The following HIVEP3 variants were observed in gnomAD, a reference collection of about 807,000 sequenced individuals.
HIVEP3 encodes transcription factor HIVEP3.
HIVEP3 carries 49 observed loss-of-function variants against 152.8 expected under a neutral mutation model. The ratio of observed to expected loss-of-function variants is 0.32; its 90% CI spans 0.26 to 0.41. The LOEUF is 0.41. Ranked by LOEUF, HIVEP3 falls within the 10% of genes least tolerant of loss-of-function variation. The pLI is 1.00. For missense variants in HIVEP3, 2,790 were observed against 3,103.3 expected, an observed-to-expected ratio of 0.90 and a Z score of 2.40; for synonymous variants, 1,269 against 1,289.0, an observed-to-expected ratio of 0.98 and a Z score of 0.33.
At chr1:42,020,363 C>G (rs962989957) in intron 1 of HIVEP3, among the ~76,000 whole-genome samples, 1 of 152,022 alleles carries the variant, frequency 6.6e-6, no homozygotes, top group African/African-American at 2.4e-5. Flanking sequence ...ATGCGAAGGT[C>G]TTTAATAATG....
intron 1 of HIVEP3, among the ~76,000 whole-genome samples, chr1:41,808,622 A>G (rs961904724): frequency 6.6e-6 from 1 of 152,226 alleles, no homozygotes; most frequent in Non-Finnish European, 1.5e-5. Context: ...ACAGCACAAG[A>G]GCTGGTTTCC....
intron 1 of HIVEP3, among the ~76,000 whole-genome samples, chr1:42,033,711 A>G (rs1645625892): frequency 6.6e-6 from 1 of 152,220 alleles, no homozygotes; most frequent in Non-Finnish European, 1.5e-5. Flanking sequence ...CTCCTAACTC[A>G]ATGTTGGTTA....
intron 1 of HIVEP3, among the ~76,000 whole-genome samples, chr1:42,020,641 T>C (rs1040748695): frequency 4.6e-5 from 7 of 152,176 alleles, no homozygotes; most frequent in South Asian, 2.1e-4. Flanking sequence ...ATTTAATAAG[T>C]CATTCAAAAA....
At chr1:41,914,357 A>G (rs1490685827) in intron 1 of HIVEP3, among the ~76,000 whole-genome samples, 2 of 152,218 alleles carry the variant, frequency 1.3e-5, no homozygotes, top group East Asian at 3.8e-4. Flanking sequence ...ATTTGTGATT[A>G]TATTCAATAA....
At chr1:42,000,335 C>A (rs1645419778) in intron 1 of HIVEP3, among the ~76,000 whole-genome samples, 1 of 152,168 alleles carries the variant, frequency 6.6e-6, no homozygotes, top group Admixed American at 6.5e-5. Context: ...CCTTTGTAGC[C>A]CAGATTGGAC....
intron 1 of HIVEP3, among the ~76,000 whole-genome samples, chr1:41,749,404 T>TTGTGTGTCTGTGTGTG (rs1647122196): frequency 7.1e-6 from 1 of 140,678 alleles, no homozygotes; most frequent in Non-Finnish European, 1.6e-5. Flanking sequence ...TTAGAAAAAA[T>TTGTGTGTCTGTGTGTG]TGTGTGTGTG....
intron 1 of HIVEP3, among the ~76,000 whole-genome samples, chr1:41,829,864 G>T (rs987187345): frequency 6.6e-6 from 1 of 150,940 alleles, no homozygotes; most frequent in Admixed American, 6.6e-5. Flanking sequence ...AAAGCGGAAA[G>T]ATCTGTATGT....
intron 5 of HIVEP3, among the ~76,000 whole-genome samples, chr1:41,539,564 T>C (rs1643478108): frequency 6.6e-6 from 1 of 152,148 alleles, no homozygotes; most frequent in South Asian, 2.1e-4. Context: ...CTCCCTTATG[T>C]CCCAGACCCA....
At chr1:41,653,975 A>C (rs1037342211) in intron 2 of HIVEP3, among the ~76,000 whole-genome samples, 9 of 151,312 alleles carry the variant, frequency 5.9e-5, no homozygotes, top group Non-Finnish European at 1.0e-4. Flanking sequence ...AAAAAAAAAA[A>C]AAAAAAACCA....
At chr1:41,857,194 C>T (rs565709819) in intron 1 of HIVEP3, among the ~76,000 whole-genome samples, 1 of 152,280 alleles carries the variant, frequency 6.6e-6, no homozygotes, top group African/African-American at 2.4e-5. Context: ...CCCCATTCCA[C>T]AAGAGGCCCC....
chr1:41,714,995 T>C (rs1646569983), intron 1 of HIVEP3, among the ~76,000 whole-genome samples: 1 of 152,086 alleles, frequency 6.6e-6, no homozygotes, highest in South Asian at 2.1e-4. Flanking sequence ...AGGCCTGGCA[T>C]CTCACTGGTC....
At chr1:41,747,639 C>T (rs1188268754) in intron 1 of HIVEP3, among the ~76,000 whole-genome samples, 1 of 152,228 alleles carries the variant, frequency 6.6e-6, no homozygotes, top group Non-Finnish European at 1.5e-5. Context: ...TTACATCTAT[C>T]AGCTATACTA....
chr1:41,805,130 A>G (rs956095678), intron 1 of HIVEP3, among the ~76,000 whole-genome samples: 1 of 152,204 alleles, frequency 6.6e-6, no homozygotes, highest in African/African-American at 2.4e-5. Flanking sequence ...TGAGGTCAGA[A>G]GTTCGAGACC....
chr1:41,961,260 C>T (rs777507360), intron 1 of HIVEP3, among the ~76,000 whole-genome samples: 7 of 152,228 alleles, frequency 4.6e-5, no homozygotes, highest in Non-Finnish European at 1.0e-4. Flanking sequence ...CAGACTGTAA[C>T]TGCATGAGAG....
intron 1 of HIVEP3, among the ~76,000 whole-genome samples, chr1:41,760,240 C>A (rs1221369445): frequency 6.6e-6 from 1 of 152,212 alleles, no homozygotes; most frequent in African/African-American, 2.4e-5. Flanking sequence ...AGTGTTAAAA[C>A]AGTCAATTCA....
intron 1 of HIVEP3, among the ~76,000 whole-genome samples, chr1:41,859,922 G>T (rs959773331): frequency 6.6e-6 from 1 of 152,212 alleles, no homozygotes; most frequent in African/African-American, 2.4e-5. Flanking sequence ...GCTGGGAAGG[G>T]TTGAGCAGGG....
upstream of HIVEP3, among the ~76,000 whole-genome samples, chr1:41,923,005 A>G (rs1644949425): frequency 6.6e-6 from 1 of 152,202 alleles, no homozygotes; most frequent in African/African-American, 2.4e-5. Context: ...AGAGTCATTG[A>G]TCAAAAAAAT....
chr1:41,836,524 C>T (rs960506708), intron 1 of HIVEP3, among the ~76,000 whole-genome samples: 4 of 152,196 alleles, frequency 2.6e-5, no homozygotes, highest in Non-Finnish European at 5.9e-5. Flanking sequence ...ACGAGTAATC[C>T]CATCAACAAG....
Position 41,582,842 on chromosome 1 carries a change from G to A in HIVEP3, c.1956C>T (p.Tyr652=). 6.2e-7 allele frequency: 1 copy of A among 1,614,088 alleles called. No individual in the cohort carries two copies. Among genetic ancestry groups the A allele is most frequent in the Non-Finnish European group, 8.5e-7 (1 of 1,180,004 alleles). The change falls in exon 4 of 9, where the codon TAC becomes TAT. Residue 652 remains tyrosine (Y), a synonymous_variant. Coordinates refer to ENST00000372583, the MANE Select transcript of HIVEP3 (RefSeq NM_024503.5). The surrounding 1 kb of genome is among the most constrained non-coding windows in gnomAD (Gnocchi z 4.7). ...IYECNICGAR[Y]KKRDNYEAHK... is the part of the protein sequence containing the mutation. Reference sequence around the variant, plus strand: ...GGGCTTCGTAGTTATCCCTTTTCTTGTACCGAGCACCACATATGTTACATT... The same window carrying A: ...GGGCTTCGTAGTTATCCCTTTTCTTATACCGAGCACCACATATGTTACATT...
Sources: allele counts gnomAD v4.1 joint callset (sites outside exome capture counted in the v4.1 genomes callset), GRCh38; gene constraint gnomAD v4.1.1; non-coding constraint Gnocchi (gnomAD v3.1); transcripts MANE v1.5; gene names NCBI Gene and HGNC (gene_info 2026-07-23, HGNC 2026-07-21).